Variants in GMPPA observed in about 807,000 individuals in gnomAD.
The protein encoded by GMPPA is mannose-1-phosphate guanylyltransferase regulatory subunit alpha.
In GMPPA, 46 loss-of-function variants were observed where a neutral mutation model predicts 58.6. The ratio of observed to expected loss-of-function variants is 0.78; its 90% CI spans 0.62 to 1.00. The LOEUF (loss-of-function observed/expected upper bound fraction) is 1.00, where lower values mean the gene tolerates loss of function less well. Ranked by LOEUF, GMPPA falls within the 50% of genes least tolerant of loss-of-function variation. The probability of loss-of-function intolerance (pLI) is 0.00; values close to 1 mark genes in which losing one functional copy is unlikely to be tolerated. For synonymous variants in GMPPA, 211 were observed against 214.9 expected (o/e 0.98, Z 0.16); for missense variants, 468 against 556.4 (o/e 0.84, Z 1.60).
intron 6 of GMPPA, among the ~76,000 whole-genome samples, chr2:219,503,319 T>C (rs1575223751): frequency 6.6e-6 from 1 of 152,148 alleles, no homozygotes; most frequent in Admixed American, 6.5e-5. Context: ...GAGACAGGCT[T>C]TCGTCATACT....
chr2:219,499,605 A>G (rs2125622747), intron 1 of GMPPA, among the ~76,000 whole-genome samples: 1 of 152,280 alleles, frequency 6.6e-6, no homozygotes, highest in East Asian at 1.9e-4. Context: ...AGAATTTGGG[A>G]GGAATCACTG....
intron 9 of GMPPA, 39 bp downstream of exon 9, chr2:219,505,594 C>T: frequency 1.9e-6 from 3 of 1,566,382 alleles, no homozygotes; most frequent in Non-Finnish European, 2.6e-6. Flanking sequence ...TTGGCTTCCA[C>T]CCCAGCCCTC....
chr2:219,503,647 C>T (rs907148243), intron 6 of GMPPA, among the ~76,000 whole-genome samples: 3 of 152,114 alleles, frequency 2.0e-5, no homozygotes, highest in Non-Finnish European at 4.4e-5. Flanking sequence ...TGATACAATG[C>T]CATGGGTGAG....
At chr2:219,505,095 C>A (rs1249810407) in intron 7 of GMPPA, 133 bp from the exon 8 acceptor site, 5 of 1,074,544 alleles carry the variant, frequency 4.7e-6, no homozygotes, top group Non-Finnish European at 6.6e-6. Flanking sequence ...CCAGAGAGGG[C>A]CGAACCAGAC....
chr2:219,504,555 C>T (rs1694509657), intron 7 of GMPPA: 1 of 335,394 alleles, frequency 3.0e-6, no homozygotes, highest in East Asian at 6.7e-5. Flanking sequence ...CGTGCACACA[C>T]AGACAGACAT....
chr2:219,502,151 C>T lies in GMPPA; in HGVS notation c.429+114C>T, dbSNP rs115573631. 1,745 of 1,089,298 alleles carry T rather than the reference C, an allele frequency of 1.6e-3. 22 individuals are homozygous for T. In the African/African-American group the frequency reaches 0.023, roughly 15 times the overall value. 67.5% of individuals were successfully genotyped at this position (1,089,298 alleles called of 1,614,324 possible). A position where few individuals can be genotyped will look rare whatever the true frequency, so the allele number is the denominator to read the frequency against. On this transcript the variant is annotated intron_variant, in intron 5 of 12. Transcript: ENST00000313597. The surrounding 1 kb of genome is among the most constrained non-coding windows in gnomAD (Gnocchi z 4.0). ...CGGGAGTTGGTGTGGGAGCTGGCGT[C>T]AGGAGGGAGATGCGCTGCTCTGGCA...
chr2:219,503,242 C>G (rs899946372), intron 6 of GMPPA, among the ~76,000 whole-genome samples: 1 of 151,956 alleles, frequency 6.6e-6, no homozygotes, highest in Non-Finnish European at 1.5e-5. Flanking sequence ...ATGCCGTTCT[C>G]CTGCCTCAGC....
At chr2:219,501,250 G>C (rs1403439063) in intron 3 of GMPPA, 2 of 524,552 alleles carry the variant, frequency 3.8e-6, no homozygotes, top group Admixed American at 3.3e-5. Flanking sequence ...GCAACAGAGC[G>C]AGACCCTTTT....
intron 3 of GMPPA, chr2:219,501,112 A>G: frequency 5.2e-6 from 1 of 194,112 alleles, no homozygotes; most frequent in Admixed American, 5.5e-5. Context: ...TAGCTGCTCT[A>G]GAGGCTGAGG....
rs1694578627 is a variant in GMPPA, at chr2:219,506,071, A to C, written c.992A>C (p.Gln331Pro). ...ATCGTCCTCCATGGAGCCACTTTGC[A>C]GGTAGGTACCAGCATACACAGCAGC... ...ESIVLHGATLQEHTCVLHSIV... is the reference protein window; with the variant it reads ...ESIVLHGATLPEHTCVLHSIV... Residue 331 changes from glutamine to proline, a missense_variant and splice_region_variant, in exon 11 of 13, where the codon CAG becomes CCG. Coordinates refer to ENST00000313597, the MANE Select transcript of GMPPA (RefSeq NM_013335.4). The C allele has an allele frequency of 6.4e-7, 1 of 1,574,106 alleles. No homozygotes were observed. The highest frequency in any genetic ancestry group is 1.1e-5 in the South Asian group (1 of 88,066).
In GMPPA at chr2:219,500,152, GC is replaced by G; in HGVS notation, c.75del (p.Lys26AsnfsTer11). 6.3e-7 allele frequency: 1 copy of G among 1,598,448 alleles called. No homozygotes were observed. Among genetic ancestry groups the G allele is most frequent in the Non-Finnish European group, 8.5e-7 (1 of 1,170,884 alleles). On this transcript the variant is annotated frameshift_variant, in exon 3 of 13. Coordinates refer to ENST00000313597, the MANE Select transcript of GMPPA (RefSeq NM_013335.4). LOFTEE classifies it high-confidence loss of function. ...TRFRPLSFEV[P>X]KPLFPVAGVP... Reference sequence around the variant, plus strand: ...GCTTCAGACCTTTGTCTTTTGAGGTGCCCAAACCATTGTTTCCTGTGGCAGG... The same window carrying G: ...GCTTCAGACCTTTGTCTTTTGAGGTGCCAAACCATTGTTTCCTGTGGCAGG...
At chr2:219,500,353 G>A (rs1409868879) in intron 3 of GMPPA, 135 bp downstream of exon 3, 5 of 664,042 alleles carry the variant, frequency 7.5e-6, no homozygotes, top group African/African-American at 1.8e-5. Context: ...TGTGAATGGC[G>A]CCCCCTCAAG....
chr2:219,506,200 G>A (rs989119234), intron 11 of GMPPA, 54 bp from the exon 12 acceptor site: 65 of 1,553,800 alleles, frequency 4.2e-5, no homozygotes, highest in Non-Finnish European at 4.6e-5. Flanking sequence ...CACACCCTCC[G>A]GTTCCTGCTG....
chr2:219,504,602 C>A, intron 7 of GMPPA: 1 of 238,948 alleles, frequency 4.2e-6, no homozygotes, highest in South Asian at 6.9e-5. Flanking sequence ...TGGAACATAG[C>A]ACCAGAGCCC....
In GMPPA at chr2:219,504,402, C is replaced by G. The variant is rs1402865946; in HGVS notation, c.620+189C>G. 5 of 603,042 alleles carry G rather than the reference C, an allele frequency of 8.3e-6. No individual in the cohort carries two copies. In the African/African-American group the frequency reaches 9.3e-5, roughly 11 times the overall value. The allele number at this position is 603,042 out of a possible 1,614,324, so 37.4% of individuals were successfully genotyped here. A position where few individuals can be genotyped will look rare whatever the true frequency, so the allele number is the denominator to read the frequency against. On this transcript the variant is annotated intron_variant, in intron 7 of 12. Coordinates refer to ENST00000313597, the MANE Select transcript of GMPPA (RefSeq NM_013335.4). The stretch of plus-strand genomic sequence containing the variant: ...ACCTCATTCTGTCCCTCTTCCTTAT[C>G]CATCCCAGTTCCTCCTCTGTCACTG...
Position 219,501,513 on chromosome 2 carries a change from A to G in GMPPA, c.176A>G (p.Tyr59Cys), listed in dbSNP as rs1694389516. Residue 59 changes from tyrosine (Y) to cysteine (C), a missense_variant, in exon 4 of 13, where the codon TAC (tyrosine) becomes TGC (cysteine). Physicochemically the swap from Tyr to Cys is radical, Grantham distance 194. Transcript: ENST00000313597. ...CAGGAGATTCTGCTCATTGGCTTCT[A>G]CCAACCTGATGAGCCCCTCACCCAG... is the stretch of plus-strand genomic sequence containing the variant. ...GMQEILLIGFYQPDEPLTQFL... is the reference protein window; with the variant it reads ...GMQEILLIGFCQPDEPLTQFL... 2 of 1,612,642 alleles carry G rather than the reference A, an allele frequency of 1.2e-6. No homozygotes were observed. The highest frequency in any genetic ancestry group is 1.7e-6 in the Non-Finnish European group (2 of 1,178,806).
intron 3 of GMPPA, chr2:219,500,535 T>G: frequency 2.5e-6 from 1 of 396,500 alleles, no homozygotes; most frequent in East Asian, 4.7e-5. Flanking sequence ...AAGCACAAAT[T>G]CATATCCTTG....
At position 219,505,032 on chromosome 2, in the gene GMPPA, C is replaced by T. The variant is rs2276640; in HGVS notation, c.621-196C>T. On this transcript the variant is annotated intron_variant, in intron 7 of 12. Transcript: ENST00000313597. ...CCTGGGGCTCCCTTGTGATAGCACC[C>T]ACCCAAGTGGGGGCTGGGTGGGAGA... is the stretch of plus-strand genomic sequence containing the variant. 0.28 allele frequency: 227,887 copies of T among 817,004 alleles called. 34,012 individuals carry two copies. Among genetic ancestry groups the T allele is most frequent in the South Asian group, 0.45 (21,431 of 47,500 alleles). The allele number at this position is 817,004 out of a possible 1,614,324, so 50.6% of individuals were successfully genotyped here.
At chr2:219,504,756 T>C in intron 7 of GMPPA, 1 of 566,458 alleles carries the variant, frequency 1.8e-6, no homozygotes, top group Non-Finnish European at 2.3e-6. Flanking sequence ...TGCTTCCCTC[T>C]CCATCTCTCC....
Sources: allele counts gnomAD v4.1 joint callset (sites outside exome capture counted in the v4.1 genomes callset), GRCh38; gene constraint gnomAD v4.1.1; non-coding constraint Gnocchi (gnomAD v3.1); transcripts MANE v1.5; gene names NCBI Gene and HGNC (gene_info 2026-07-23, HGNC 2026-07-21).